MLLT3: variants seen among roughly 807,000 people sequenced by gnomAD.
MLLT3 encodes MLLT3 super elongation complex subunit.
Under a neutral mutation model 53.2 loss-of-function variants are expected in MLLT3, and 4 were observed. The observed-to-expected ratio is 0.08, with a 90% confidence interval of 0.04 to 0.17. MLLT3 has a LOEUF of 0.17. MLLT3 is among the 10% of genes least tolerant of loss of function. The pLI is 1.00. For missense variants in MLLT3, 569 were observed against 684.0 expected (o/e 0.83, Z 1.87); for synonymous variants, 283 against 230.6 (o/e 1.23, Z -2.06).
At chr9:20,504,536 C>T (rs560632437) in intron 2 of MLLT3, among the ~76,000 whole-genome samples, 1 of 152,150 alleles carries the variant, frequency 6.6e-6, no homozygotes, top group East Asian at 1.9e-4. Context: ...TATGTGTAAT[C>T]TAAAAAAGCT....
intron 7 of MLLT3, among the ~76,000 whole-genome samples, chr9:20,362,455 T>A (rs958933885): frequency 9.2e-5 from 14 of 152,216 alleles, no homozygotes; most frequent in Non-Finnish European, 1.6e-4. Flanking sequence ...AGTTTCCTTT[T>A]TATCAGACAA....
chr9:20,354,983 T>G lies in MLLT3; in HGVS notation c.1432-104A>C, dbSNP rs151190233. ...CACTGAATGAAATGTACAGTAACAT[T>G]TGCTTTCCAAATAGCATTTCTTTTC... On this transcript the variant is annotated intron_variant, in intron 8 of 10. Transcript: ENST00000380338. The G allele has an allele frequency of 8.1e-3, 5,505 of 679,028 alleles. 40 individuals carry two copies. Among genetic ancestry groups the G allele is most frequent in the Middle Eastern group, 0.02 (72 of 3,628 alleles). 42.1% of individuals were successfully genotyped at this position (679,028 alleles called of 1,614,324 possible).
intron 2 of MLLT3, among the ~76,000 whole-genome samples, chr9:20,513,819 T>A (rs1229082817): frequency 6.6e-6 from 1 of 152,210 alleles, no homozygotes; most frequent in African/African-American, 2.4e-5. Flanking sequence ...AAGTTACACC[T>A]AGATTCAGAA....
chr9:20,424,324 T>G (rs189539508), intron 4 of MLLT3, among the ~76,000 whole-genome samples: 1 of 152,190 alleles, frequency 6.6e-6, no homozygotes, highest in Admixed American at 6.5e-5. Flanking sequence ...AGGGCTCTTG[T>G]GATACTGAGA....
chr9:20,435,090 C>A lies in MLLT3; in HGVS notation c.420+13033G>T, dbSNP rs1823369024. On this transcript the variant is annotated intron_variant, in intron 4 of 10. Coordinates refer to ENST00000380338, the MANE Select transcript of MLLT3 (RefSeq NM_004529.4). ...CCTGGAGTGGGATGGGGAATGGAGT[C>A]CAATAAAAAAGCTTCTGGCACCCCA... Among the ~76,000 whole-genome samples the A allele has an allele frequency of 2.0e-5, 3 of 152,046 alleles. No homozygotes were observed. The South Asian group carries it at 6.2e-4, about 32-fold the overall frequency.
intron 2 of MLLT3, among the ~76,000 whole-genome samples, chr9:20,504,178 T>C (rs1050495749): frequency 1.3e-5 from 2 of 152,152 alleles, no homozygotes; most frequent in African/African-American, 4.8e-5. Flanking sequence ...GACCTAGCAA[T>C]TCCAAAACTG....
At chr9:20,495,992 G>A (rs1243088906) in intron 2 of MLLT3, among the ~76,000 whole-genome samples, 1 of 152,124 alleles carries the variant, frequency 6.6e-6, no homozygotes, top group Non-Finnish European at 1.5e-5. Context: ...TTATAACACA[G>A]TTTGAGTCAC....
chr9:20,573,185 TTTG>T (rs1819575215), intron 2 of MLLT3, among the ~76,000 whole-genome samples: 1 of 62,538 alleles, frequency 1.6e-5, no homozygotes, highest in South Asian at 5.9e-4. Context: ...TTTTTTTTGT[TTTG>T]TTTTTTTTTT....
At chr9:20,510,072 G>T (rs544056037) in intron 2 of MLLT3, among the ~76,000 whole-genome samples, 1 of 152,000 alleles carries the variant, frequency 6.6e-6, no homozygotes, top group African/African-American at 2.4e-5. Flanking sequence ...GGCTATATTA[G>T]ATAAATATTA....
intron 4 of MLLT3, among the ~76,000 whole-genome samples, chr9:20,426,248 T>A (rs1823136395): frequency 6.6e-6 from 1 of 152,134 alleles, no homozygotes. Context: ...TGAAGTAATA[T>A]TTATATCACT....
intron 5 of MLLT3, among the ~76,000 whole-genome samples, chr9:20,378,994 T>A (rs1385457576): frequency 6.6e-6 from 1 of 152,088 alleles, no homozygotes; most frequent in Non-Finnish European, 1.5e-5. Context: ...AACCTGCATT[T>A]CCATGCACAC....
intron 2 of MLLT3, among the ~76,000 whole-genome samples, chr9:20,605,295 G>T (rs1211585942): frequency 6.6e-6 from 1 of 152,024 alleles, no homozygotes; most frequent in East Asian, 1.9e-4. Context: ...TACTATCAAT[G>T]TATCTGAGAT....
intron 2 of MLLT3, among the ~76,000 whole-genome samples, chr9:20,486,649 G>C (rs1228299731): frequency 6.6e-6 from 1 of 152,122 alleles, no homozygotes; most frequent in African/African-American, 2.4e-5. Context: ...AATGCAAATT[G>C]GTATCACCTC....
rs996487653 is a variant in MLLT3, at chr9:20,344,350, T to A, written c.*2093A>T. 2 of 203,500 alleles carry A rather than the reference T, an allele frequency of 9.8e-6. No homozygotes were observed. Among genetic ancestry groups the A allele is most frequent in the African/African-American group, 4.6e-5 (2 of 43,772 alleles). 12.6% of individuals were successfully genotyped at this position (203,500 alleles called of 1,614,324 possible). Reference sequence around the variant, plus strand: ...ATATTAAATCACATAAACTTCTGGCTTGATCAGAATATGTGTTAGCAGTTA... The same window carrying A: ...ATATTAAATCACATAAACTTCTGGCATGATCAGAATATGTGTTAGCAGTTA... On this transcript the variant is annotated 3_prime_UTR_variant, in exon 11 of 11. Transcript: ENST00000380338.
At chr9:20,568,481 A>G (rs1819442767) in intron 2 of MLLT3, among the ~76,000 whole-genome samples, 1 of 152,170 alleles carries the variant, frequency 6.6e-6, no homozygotes, top group African/African-American at 2.4e-5. Context: ...AATATTTATA[A>G]CTAGCATAAT....
At chr9:20,617,723 C>T (rs1820870734) in intron 2 of MLLT3, among the ~76,000 whole-genome samples, 1 of 152,090 alleles carries the variant, frequency 6.6e-6, no homozygotes, top group African/African-American at 2.4e-5. Context: ...GGCTAATAGA[C>T]ATTCCAGGCT....
intron 2 of MLLT3, among the ~76,000 whole-genome samples, chr9:20,545,235 T>A (rs563798398): frequency 1.3e-5 from 2 of 151,640 alleles, no homozygotes; most frequent in Admixed American, 1.3e-4. Context: ...TGTTATTGAG[T>A]CTTAAAGAAA....
intron 10 of MLLT3, among the ~76,000 whole-genome samples, chr9:20,350,573 C>G (rs573096214): frequency 7.5e-6 from 1 of 133,522 alleles, no homozygotes; most frequent in Non-Finnish European, 1.5e-5. Flanking sequence ...CCAGCCTGGG[C>G]GACAGAGCGA....
chr9:20,364,230 C>A (rs1179212409), intron 6 of MLLT3, among the ~76,000 whole-genome samples: 6 of 152,042 alleles, frequency 3.9e-5, no homozygotes, highest in Non-Finnish European at 4.4e-5. Flanking sequence ...TGGCACAATA[C>A]CAGCATGTAT....
Sources: gnomAD v4.1 joint callset for allele counts (sites outside exome capture counted in the v4.1 genomes callset) on GRCh38, gnomAD v4.1.1 for gene constraint, MANE v1.5 for transcripts, NCBI Gene and HGNC (gene_info 2026-07-23, HGNC 2026-07-21) for gene names.